Variants in CFAP299 observed in about 807,000 individuals in gnomAD.
The protein encoded by CFAP299 is cilia and flagella associated protein 299, also known as cilia- and flagella-associated protein 299.
CFAP299 carries 21 observed loss-of-function variants against 27.0 expected under a neutral mutation model. The observed-to-expected ratio is 0.78, with a 90% CI of 0.55 to 1.12. CFAP299 has a LOEUF of 1.12. Among genes scored for constraint, CFAP299 ranks in the 50% most tolerant of loss-of-function variants. The pLI is 0.00. For missense variants in CFAP299, 310 were observed against 276.6 expected (o/e 1.12, Z -0.86); for synonymous variants, 104 against 98.1 (o/e 1.06, Z -0.36).
intron 2 of CFAP299, among the ~76,000 whole-genome samples, chr4:80,418,183 C>G (rs2110067350): frequency 6.6e-6 from 1 of 152,108 alleles, no homozygotes; most frequent in East Asian, 1.9e-4. Context: ...ATAACTAACT[C>G]TTGAATCACT....
Position 80,745,789 on chromosome 4 carries a change from A to T in CFAP299, c.334-124204A>T, listed in dbSNP as rs189676107. Among the ~76,000 whole-genome samples the T allele has an allele frequency of 1.3e-3, 199 of 152,028 alleles. 1 individual carries two copies. The highest frequency in any genetic ancestry group is 2.5e-3 in the Non-Finnish European group (170 of 67,910). ...GGATACATCATTAAATTTAGTCATC[A>T]TGTTGCTTTAGACACTCTACTTGGC... On this transcript the variant is annotated intron_variant, in intron 3 of 5. Transcript: ENST00000358105.
At chr4:80,422,913 G>A (rs1727355812) in intron 2 of CFAP299, among the ~76,000 whole-genome samples, 1 of 152,162 alleles carries the variant, frequency 6.6e-6, no homozygotes, top group Non-Finnish European at 1.5e-5. Context: ...TAGATGGCAT[G>A]GAGTACTAGG....
At chr4:80,748,978 A>G (rs1286056723) in intron 3 of CFAP299, among the ~76,000 whole-genome samples, 1 of 151,818 alleles carries the variant, frequency 6.6e-6, no homozygotes, top group South Asian at 2.1e-4. Context: ...CTCTCTATTT[A>G]CTCTCTGAAC....
intron 3 of CFAP299, among the ~76,000 whole-genome samples, chr4:80,595,246 G>A (rs1262332988): frequency 6.6e-6 from 1 of 152,058 alleles, no homozygotes; most frequent in Non-Finnish European, 1.5e-5. Context: ...CTTCTTGTAT[G>A]CAGCCTCCTC....
intron 3 of CFAP299, among the ~76,000 whole-genome samples, chr4:80,705,555 A>C (rs1721771691): frequency 6.6e-6 from 1 of 151,778 alleles, no homozygotes; most frequent in Non-Finnish European, 1.5e-5. Context: ...GTTTGGAACA[A>C]TTCTGTTTCA....
At chr4:80,809,998 G>A (rs1026538818) in intron 3 of CFAP299, among the ~76,000 whole-genome samples, 2 of 151,844 alleles carry the variant, frequency 1.3e-5, no homozygotes, top group African/African-American at 4.8e-5. Flanking sequence ...TTTGGGTTGC[G>A]GTGAAATTTT....
At chr4:80,908,557 G>T (rs868042333) in intron 4 of CFAP299, among the ~76,000 whole-genome samples, 3 of 152,098 alleles carry the variant, frequency 2.0e-5, no homozygotes, top group Non-Finnish European at 4.4e-5. Flanking sequence ...CTCTGATTTG[G>T]TGATGTACCT....
intron 2 of CFAP299, among the ~76,000 whole-genome samples, chr4:80,408,113 C>G (rs1450900006): frequency 6.6e-6 from 1 of 152,118 alleles, no homozygotes; most frequent in African/African-American, 2.4e-5. Flanking sequence ...GTACATGTCC[C>G]CTAATGCACA....
At chr4:80,465,121 C>T (rs559394906) in intron 2 of CFAP299, among the ~76,000 whole-genome samples, 1 of 151,952 alleles carries the variant, frequency 6.6e-6, no homozygotes, top group Admixed American at 6.6e-5. Context: ...TAAATAATCC[C>T]AGTTGTTTTT....
At chr4:80,525,639 C>T (rs1164317621) in intron 2 of CFAP299, among the ~76,000 whole-genome samples, 2 of 152,034 alleles carry the variant, frequency 1.3e-5, no homozygotes, top group Non-Finnish European at 2.9e-5. Flanking sequence ...ATAATCTGGC[C>T]GTTTCCTCCC....
chr4:80,742,733 T>C lies in CFAP299; in HGVS notation c.334-127260T>C, dbSNP rs150218226. 1.8e-3 allele frequency among the ~76,000 whole-genome samples: 269 copies of C among 152,312 alleles called. 1 individual carries two copies. Among genetic ancestry groups the C allele is most frequent in the South Asian group, 4.1e-3 (20 of 4,826 alleles). ...ATGAGATAATTTTTAAGATGATATGTCTTTACATGAGAGTGAGATGTAGAA... is the reference window on the plus strand; with the variant it reads ...ATGAGATAATTTTTAAGATGATATGCCTTTACATGAGAGTGAGATGTAGAA... On this transcript the variant is annotated intron_variant, in intron 3 of 5. Transcript: ENST00000358105.
chr4:80,627,468 T>G (rs1738969748), intron 3 of CFAP299, among the ~76,000 whole-genome samples: 1 of 151,956 alleles, frequency 6.6e-6, no homozygotes, highest in Non-Finnish European at 1.5e-5. Context: ...CCATTCAATA[T>G]AGTATTGGAT....
intron 4 of CFAP299, among the ~76,000 whole-genome samples, chr4:80,891,733 T>C (rs1487161869): frequency 9.8e-6 from 1 of 102,160 alleles, no homozygotes; most frequent in Non-Finnish European, 1.9e-5. Flanking sequence ...ACCTGCACAA[T>C]GTGCACATGT....
In CFAP299 at chr4:80,611,132, T is replaced by C. The variant is rs1302889015; in HGVS notation, c.333+27949T>C. 1.3e-5 allele frequency among the ~76,000 whole-genome samples: 2 copies of C among 152,060 alleles called. 1 individual carries two copies. The highest frequency in any genetic ancestry group is 4.8e-5 in the African/African-American group (2 of 41,390). ...AAGCTTTCATCTCCTTTTAAAGTCA[T>C]GGCCTTTCAAGTAGGGGTGAAATTA... On this transcript the variant is annotated intron_variant, in intron 3 of 5. Coordinates refer to ENST00000358105, the MANE Select transcript of CFAP299 (RefSeq NM_152770.3).
At position 80,944,231 on chromosome 4, in the gene CFAP299, C is replaced by T. The variant is rs575831087; in HGVS notation, c.477-579C>T. On this transcript the variant is annotated intron_variant, in intron 4 of 5. Transcript: ENST00000358105. ...CAAGACTTTAATGATGCTAGTTGAC[C>T]TCCCCGAGTCGTTTTGCTTTGTCCA... 2.0e-5 allele frequency among the ~76,000 whole-genome samples: 3 copies of T among 152,246 alleles called. 1 individual carries two copies. Among genetic ancestry groups the T allele is most frequent in the South Asian group, 4.2e-4 (2 of 4,818 alleles).
chr4:80,447,119 G>GTTTTTTTTTTGTTGT (rs1728657049), intron 2 of CFAP299, among the ~76,000 whole-genome samples: 3 of 65,532 alleles, frequency 4.6e-5, no homozygotes, highest in African/African-American at 1.4e-4. Flanking sequence ...CTTTTTATTT[G>GTTTTTTTTTTGTTGT]TTTTTTTTTT....
intron 3 of CFAP299, among the ~76,000 whole-genome samples, chr4:80,653,963 G>GGTAT (rs1403703711): frequency 1.3e-5 from 2 of 151,910 alleles, no homozygotes; most frequent in Non-Finnish European, 2.9e-5. Flanking sequence ...TATATATGTG[G>GGTAT]GTATGCATAT....
At chr4:80,937,308 C>CTTTTTTTTT (rs1736948672) in intron 4 of CFAP299, among the ~76,000 whole-genome samples, 1 of 90,816 alleles carries the variant, frequency 1.1e-5, no homozygotes, top group African/African-American at 5.1e-5. Context: ...CTTTTTTTTT[C>CTTTTTTTTT]TTTCTTTTTT....
At chr4:80,391,314 T>C (rs1479261118) in intron 2 of CFAP299, among the ~76,000 whole-genome samples, 1 of 152,212 alleles carries the variant, frequency 6.6e-6, no homozygotes, top group Non-Finnish European at 1.5e-5. Context: ...ATAATGGCTA[T>C]ACCAATTTGT....
Sources: gnomAD v4.1 joint callset for allele counts (sites outside exome capture counted in the v4.1 genomes callset) on GRCh38, gnomAD v4.1.1 for gene constraint, MANE v1.5 for transcripts, NCBI Gene and HGNC (gene_info 2026-07-23, HGNC 2026-07-21) for gene names.